Variants in JAKMIP3 observed in about 807,000 individuals in gnomAD.
JAKMIP3 encodes janus kinase and microtubule-interacting protein 3.
Under a neutral mutation model 118.5 loss-of-function variants are expected in JAKMIP3, and 58 were observed. That is an observed-to-expected ratio of 0.49 (90% confidence interval 0.40 to 0.61). The LOEUF is 0.61. Ranked by LOEUF, JAKMIP3 falls within the 20% of genes least tolerant of loss-of-function variation. JAKMIP3 has a pLI of 0.00. For missense variants in JAKMIP3, 950 were observed against 1,109.0 expected (o/e 0.86, Z 2.04); for synonymous variants, 486 against 451.2 (o/e 1.08, Z -0.98).
At chr10:132,041,721 C>A (rs1205873742) in intron 1 of JAKMIP3, among the ~76,000 whole-genome samples, 4 of 152,248 alleles carry the variant, frequency 2.6e-5, no homozygotes, top group Non-Finnish European at 5.9e-5. Context: ...AGAATTTCAT[C>A]GTCCGTTATA....
At position 132,107,713 on chromosome 10, in the gene JAKMIP3, G is replaced by T. The variant is rs565128234; in HGVS notation, c.135+2770G>T. Among the ~76,000 whole-genome samples the T allele has an allele frequency of 7.2e-5, 11 of 152,338 alleles. No homozygotes were observed. The East Asian group carries it at 1.9e-3, about 27-fold the overall frequency. On this transcript the variant is annotated intron_variant, in intron 2 of 23. Transcript: ENST00000684848. ...GCGCCTCTTGGAGTCAGTTCCACGT[G>T]GAACAGTGCAGCTGGCACAAGCTCG...
At chr10:132,082,000 T>C (rs1405801410) in intron 1 of JAKMIP3, among the ~76,000 whole-genome samples, 1 of 152,052 alleles carries the variant, frequency 6.6e-6, no homozygotes, top group East Asian at 1.9e-4. Context: ...GTGTCATGTC[T>C]GCGTTTGTCT....
chr10:132,169,585 C>G (rs77793860), intron 23 of JAKMIP3, among the ~76,000 whole-genome samples: 3,160 of 151,930 alleles, frequency 0.021, 115 homozygotes, highest in African/African-American at 0.073. Flanking sequence ...TGGGACTCAG[C>G]GGGGCCCTGG....
At chr10:132,139,642 C>T (rs543399346) in intron 9 of JAKMIP3, among the ~76,000 whole-genome samples, 4 of 151,742 alleles carry the variant, frequency 2.6e-5, no homozygotes, top group African/African-American at 4.8e-5. Flanking sequence ...TCTCCCCGCT[C>T]GGGACCCCTC....
At chr10:132,140,763 T>C (rs2637647) in intron 10 of JAKMIP3, among the ~76,000 whole-genome samples, 184 bp downstream of exon 10, 82,642 of 148,548 alleles carry the variant, frequency 0.56, 23,241 homozygotes, top group East Asian at 0.66. Flanking sequence ...CGCTGATAGC[T>C]GACTCGGGCA....
Position 132,109,133 on chromosome 10 carries a change from CATAT to C in JAKMIP3, c.135+4202_135+4205del, listed in dbSNP as rs138646130. Among the ~76,000 whole-genome samples, 16 of 117,256 alleles carry C rather than the reference CATAT, an allele frequency of 1.4e-4. 1 individual carries two copies. In the South Asian group the frequency reaches 2.1e-3, roughly 15 times the overall value. 76.9% of individuals were successfully genotyped at this position (117,256 alleles called of 152,430 possible). Reference sequence around the variant, plus strand: ...ACACACATATATATATACACACACACATATATATATATATACACACACATATATT... The same window carrying C: ...ACACACATATATATATACACACACACATATATATATACACACACATATATT... On this transcript the variant is annotated intron_variant, in intron 2 of 23. Coordinates refer to ENST00000684848, the MANE Select transcript of JAKMIP3 (RefSeq NM_001323087.2).
At chr10:132,052,881 C>G (rs1590007990) in intron 1 of JAKMIP3, among the ~76,000 whole-genome samples, 1 of 152,206 alleles carries the variant, frequency 6.6e-6, no homozygotes, top group Non-Finnish European at 1.5e-5. Flanking sequence ...GCTAACTTTG[C>G]TGTGAACCTA....
chr10:132,094,256 G>T (rs1290655876), intron 1 of JAKMIP3, among the ~76,000 whole-genome samples: 1 of 151,978 alleles, frequency 6.6e-6, no homozygotes, highest in Non-Finnish European at 1.5e-5. Flanking sequence ...TTCTTTTTTA[G>T]GTAAGTCAGG....
Position 132,135,133 on chromosome 10 carries a change from A to G in JAKMIP3, c.942A>G (p.Ala314=), listed in dbSNP as rs775320976. 3.7e-6 allele frequency: 6 copies of G among 1,611,276 alleles called. No homozygotes were observed. Among genetic ancestry groups the G allele is most frequent in the South Asian group, 3.3e-5 (3 of 91,030 alleles). Residue 314 remains alanine (A), a synonymous_variant, in exon 5 of 24, where the codon GCA becomes GCG. Coordinates refer to ENST00000684848, the MANE Select transcript of JAKMIP3 (RefSeq NM_001323087.2). ...AIIRKLEDRN[A]LLSEERNELL... ...TCCGCAAACTGGAGGACCGCAATGC[A>G]TTGCTGTCGGAAGAGAGGAATGAGC... is the stretch of plus-strand genomic sequence containing the variant.
Position 132,085,503 on chromosome 10 carries a change from CT to C in JAKMIP3, c.-137-19156del, listed in dbSNP as rs529358675. On this transcript the variant is annotated intron_variant, in intron 1 of 23. Transcript: ENST00000684848. ...CTAATGGTCTATCAATTTTCTCTCTCTTTTTTTTTTTTTGTGAGAGGAAGTC... is the reference window on the plus strand; with the variant it reads ...CTAATGGTCTATCAATTTTCTCTCTCTTTTTTTTTTTTGTGAGAGGAAGTC... Among the ~76,000 whole-genome samples the C allele has an allele frequency of 3.2e-3, 458 of 144,254 alleles. 1 individual carries two copies. The highest frequency in any genetic ancestry group is 4.0e-3 in the Non-Finnish European group (264 of 65,782). 94.6% of individuals were successfully genotyped at this position (144,254 alleles called of 152,430 possible).
intron 19 of JAKMIP3, among the ~76,000 whole-genome samples, chr10:132,154,929 G>A (rs1045884992): frequency 1.2e-3 from 13 of 10,968 alleles, no homozygotes; most frequent in African/African-American, 3.4e-3. Flanking sequence ...GTAGTGGGAT[G>A]GTGATGATGG....
chr10:132,108,010 G>A (rs1483020609), intron 2 of JAKMIP3, among the ~76,000 whole-genome samples: 1 of 152,230 alleles, frequency 6.6e-6, no homozygotes, highest in East Asian at 1.9e-4. Flanking sequence ...TTGGGTCCGG[G>A]CAGAGTCCTC....
Position 132,067,961 on chromosome 10 carries a change from T to A in JAKMIP3, c.-138+1900T>A, listed in dbSNP as rs112250649. On this transcript the variant is annotated intron_variant, in intron 1 of 23. Coordinates refer to ENST00000684848, the MANE Select transcript of JAKMIP3 (RefSeq NM_001323087.2). ...CTTCCGTGTGGACTCTGGGTTTCTG[T>A]GTGGTCTGGACTGTGAGCTTCCGTG... Among the ~76,000 whole-genome samples, 195 of 149,682 alleles carry A rather than the reference T, an allele frequency of 1.3e-3. 3 individuals are homozygous for A. The highest frequency in any genetic ancestry group is 4.6e-3 in the African/African-American group (188 of 40,462).
chr10:132,068,073 TGTGGGTTTCTGTGTGGAC>T (rs2039187386), intron 1 of JAKMIP3, among the ~76,000 whole-genome samples: 2 of 27,848 alleles, frequency 7.2e-5, no homozygotes, highest in African/African-American at 1.1e-4. Flanking sequence ...CCGTGTGGAC[TGTGGGTTTCTGTGTGGAC>T]TGTGGGTTTC....
chr10:132,164,797 C>A, intron 21 of JAKMIP3, 62 bp downstream of exon 21: 1 of 1,159,658 alleles, frequency 8.6e-7, no homozygotes, highest in African/African-American at 1.5e-5. Context: ...CCCGGTGTCA[C>A]CCCGACCTGA....
intron 4 of JAKMIP3, 29 bp from the exon 5 acceptor site, chr10:132,135,012 C>T (rs1455201252): frequency 5.0e-6 from 8 of 1,608,936 alleles, no homozygotes; most frequent in Non-Finnish European, 6.8e-6. Context: ...TGGGTAGGAA[C>T]CGTTATTTGC....
chr10:132,071,808 C>A (rs2039905918), intron 1 of JAKMIP3, among the ~76,000 whole-genome samples: 1 of 140,882 alleles, frequency 7.1e-6, no homozygotes, highest in East Asian at 2.1e-4. Flanking sequence ...TCCTTCTTTC[C>A]TTTCCTTTCT....
At position 132,103,426 on chromosome 10, in the gene JAKMIP3, G is replaced by A. The variant is rs545083937; in HGVS notation, c.-137-1246G>A. On this transcript the variant is annotated intron_variant, in intron 1 of 23. Transcript: ENST00000684848. ...CCTGGGGGAGAGGAGCAGCTGGAGGGGAGGAGCACCTGGGGGAGAGGAGCA... is the reference window on the plus strand; with the variant it reads ...CCTGGGGGAGAGGAGCAGCTGGAGGAGAGGAGCACCTGGGGGAGAGGAGCA... Among the ~76,000 whole-genome samples the A allele has an allele frequency of 8.1e-5, 9 of 111,270 alleles. 1 individual carries two copies. Among genetic ancestry groups the A allele is most frequent in the African/African-American group, 3.0e-4 (7 of 23,128 alleles). The allele number at this position is 111,270 out of a possible 152,430, so 73.0% of individuals were successfully genotyped here.
At position 132,117,706 on chromosome 10, in the gene JAKMIP3, C is replaced by T; in HGVS notation, c.633+132C>T. 9.1e-7 allele frequency: 1 copy of T among 1,099,986 alleles called. No homozygotes were observed. Among genetic ancestry groups the T allele is most frequent in the Non-Finnish European group, 1.2e-6 (1 of 849,998 alleles). 68.1% of individuals were successfully genotyped at this position (1,099,986 alleles called of 1,614,324 possible). On this transcript the variant is annotated intron_variant, in intron 3 of 23. Coordinates refer to ENST00000684848, the MANE Select transcript of JAKMIP3 (RefSeq NM_001323087.2). The surrounding 1 kb of genome is among the most constrained non-coding windows in gnomAD (Gnocchi z 8.6). ...CGCGGGCAGCACCGGCTTCACCCCCCATGACATTCTTAGCACAGGCTCCTC... is the reference window on the plus strand; with the variant it reads ...CGCGGGCAGCACCGGCTTCACCCCCTATGACATTCTTAGCACAGGCTCCTC...
Sources: allele counts gnomAD v4.1 joint callset (sites outside exome capture counted in the v4.1 genomes callset), GRCh38; gene constraint gnomAD v4.1.1; non-coding constraint Gnocchi (gnomAD v3.1); transcripts MANE v1.5; gene names NCBI Gene and HGNC (gene_info 2026-07-23, HGNC 2026-07-21).